SOS1: variants seen among roughly 807,000 people sequenced by gnomAD.
SOS1 encodes SOS Ras/Rac guanine nucleotide exchange factor 1.
SOS1 carries 25 observed loss-of-function variants against 157.6 expected under a neutral mutation model. The observed-to-expected ratio is 0.16, with a 90% CI of 0.12 to 0.22. The LOEUF is 0.22. SOS1 is among the 10% of genes least tolerant of loss of function. The pLI, the probability that SOS1 is intolerant of heterozygous loss-of-function variation, is 1.00. For synonymous variants in SOS1, 528 were observed against 534.0 expected, an observed-to-expected ratio of 0.99 and a Z score of 0.16; for missense variants, 1,237 against 1,599.1, an observed-to-expected ratio of 0.77 and a Z score of 3.86.
At chr2:39,095,523 T>C (rs1037304506) in intron 1 of SOS1, among the ~76,000 whole-genome samples, 1 of 152,214 alleles carries the variant, frequency 6.6e-6, no homozygotes, top group Non-Finnish European at 1.5e-5. Context: ...ACCAGAGTTC[T>C]GCAGGCTACA....
In SOS1 at chr2:39,019,095, A is replaced by G. The variant is rs141999137; in HGVS notation, c.1858+3475T>C. 7.9e-5 allele frequency among the ~76,000 whole-genome samples: 12 copies of G among 151,908 alleles called. No homozygotes were observed. In the East Asian group the frequency reaches 1.5e-3, roughly 20 times the overall value. ...ATGAAGGTATAAAATAGCAGTAAAT[A>G]CTTTAAAGAAAACGATCTTCTGGCT... On this transcript the variant is annotated intron_variant, in intron 10 of 22. Transcript: ENST00000402219.
intron 5 of SOS1, among the ~76,000 whole-genome samples, chr2:39,053,236 TTCCCAC>T (rs1176690618): frequency 6.6e-6 from 1 of 152,342 alleles, no homozygotes; most frequent in East Asian, 1.9e-4. Flanking sequence ...GAATTTTATA[TTCCCAC>T]AAGTAGTTGC....
chr2:38,999,801 T>C (rs1262781011), intron 17 of SOS1, among the ~76,000 whole-genome samples: 1 of 152,214 alleles, frequency 6.6e-6, no homozygotes, highest in Non-Finnish European at 1.5e-5. Context: ...TTGTGGGTAT[T>C]AGCACTTGGA....
At chr2:39,052,618 G>A (rs1034233889) in intron 5 of SOS1, among the ~76,000 whole-genome samples, 3 of 152,094 alleles carry the variant, frequency 2.0e-5, no homozygotes, top group Admixed American at 1.3e-4. Context: ...GCTGTTGCAC[G>A]CATAACTATT....
chr2:38,985,421 A>AGTTT lies in SOS1; in HGVS notation c.*399_*402dup. ...AGGAAGATATTAAGATCCCTGTTTA[A>AGTTT]GTTTTTTTTTTTAAAAGTGCATAAT... On this transcript the variant is annotated 3_prime_UTR_variant, in exon 23 of 23. Transcript: ENST00000402219. The AGTTT allele has an allele frequency of 3.2e-5, 2 of 61,614 alleles. No homozygotes were observed. The highest frequency in any genetic ancestry group is 5.8e-5 in the Non-Finnish European group (2 of 34,464). 3.8% of individuals were successfully genotyped at this position (61,614 alleles called of 1,614,324 possible). A position where few individuals can be genotyped will look rare whatever the true frequency, so the allele number is the denominator to read the frequency against.
Position 39,014,808 on chromosome 2 carries a change from A to T in SOS1, c.1897T>A (p.Ser633Thr). The change falls in exon 11 of 23, where the codon TCC becomes ACC. Residue 633 changes from serine (S) to threonine (T), a missense_variant. Ser to Thr is a moderately conservative substitution (Grantham distance 58). This residue lies in a region of SOS1 where 22 missense variants were observed against 46.3 expected (regional missense o/e 0.48). Transcript: ENST00000402219. ...AGTAGTTCTTGAGGTTTGCAAAAGG[A>T]TCTGTATGTTGTAAGAAATGTCCGA... is the stretch of plus-strand genomic sequence containing the variant. ...FVRTFLTTYR[S>T]FCKPQELLSL... 1 of 1,601,956 alleles carries T rather than the reference A, an allele frequency of 6.2e-7. No homozygotes were observed.
chr2:39,097,302 T>C (rs1672806075), intron 1 of SOS1, among the ~76,000 whole-genome samples: 1 of 152,176 alleles, frequency 6.6e-6, no homozygotes, highest in South Asian at 2.1e-4. Context: ...TTTTATCAGG[T>C]AGAATTTCCT....
At chr2:39,025,683 T>C (rs1241147310) in intron 8 of SOS1, among the ~76,000 whole-genome samples, 7 of 152,276 alleles carry the variant, frequency 4.6e-5, no homozygotes, top group African/African-American at 1.7e-4. Context: ...TCAATTAGCT[T>C]AAGTATTCAT....
chr2:39,116,195 A>C (rs1164223028), intron 1 of SOS1, among the ~76,000 whole-genome samples: 1 of 142,180 alleles, frequency 7.0e-6, no homozygotes, highest in East Asian at 2.1e-4. Context: ...CAAACTTTTA[A>C]GTCAACATTT....
intron 1 of SOS1, among the ~76,000 whole-genome samples, chr2:39,095,804 C>T (rs898745567): frequency 1.6e-4 from 24 of 152,176 alleles, no homozygotes; most frequent in Non-Finnish European, 3.1e-4. Context: ...ATTTTAGCAA[C>T]ATTACAGAAT....
intron 1 of SOS1, among the ~76,000 whole-genome samples, chr2:39,069,659 T>C (rs1671731174): frequency 6.6e-6 from 1 of 152,052 alleles, no homozygotes; most frequent in Admixed American, 6.6e-5. Context: ...GCAATTCTCC[T>C]GCCTCCGCCT....
At chr2:39,114,428 T>C (rs1442455667) in intron 1 of SOS1, among the ~76,000 whole-genome samples, 1 of 152,004 alleles carries the variant, frequency 6.6e-6, no homozygotes, top group Non-Finnish European at 1.5e-5. Flanking sequence ...CTCAGCCTCC[T>C]GAGTAGCTAG....
intron 1 of SOS1, among the ~76,000 whole-genome samples, chr2:39,102,897 G>C (rs1218769854): frequency 2.6e-5 from 4 of 152,136 alleles, no homozygotes; most frequent in African/African-American, 4.8e-5. Flanking sequence ...TGAGGCTACA[G>C]TTAGCTGTGA....
chr2:39,045,929 G>A (rs1670767540), intron 6 of SOS1, among the ~76,000 whole-genome samples: 1 of 152,014 alleles, frequency 6.6e-6, no homozygotes, highest in South Asian at 2.1e-4. Context: ...GGCCAGGCTG[G>A]TCTCAAACTC....
intron 8 of SOS1, among the ~76,000 whole-genome samples, chr2:39,031,412 CAT>C (rs1404658907): frequency 2.0e-5 from 3 of 152,094 alleles, no homozygotes; most frequent in African/African-American, 7.2e-5. Flanking sequence ...TGGAACCAAA[CAT>C]GTACTGATTT....
chr2:39,010,981 C>T (rs1669449244), intron 14 of SOS1, among the ~76,000 whole-genome samples: 2 of 150,884 alleles, frequency 1.3e-5, no homozygotes, highest in African/African-American at 2.4e-5. Flanking sequence ...CTGCAACCTC[C>T]GCCTCCCAGG....
intron 1 of SOS1, among the ~76,000 whole-genome samples, chr2:39,112,156 C>T (rs565304732): frequency 6.6e-6 from 1 of 151,992 alleles, no homozygotes; most frequent in African/African-American, 2.4e-5. Flanking sequence ...TACTTCCTCT[C>T]TATCACTTGA....
Position 38,983,761 on chromosome 2 carries a change from T to C in SOS1, c.*2063A>G, listed in dbSNP as rs571425098. The C allele has an allele frequency of 6.6e-6, 1 of 152,288 alleles. No individual in the cohort carries two copies. Among genetic ancestry groups the C allele is most frequent in the Non-Finnish European group, 1.5e-5 (1 of 68,000 alleles). 9.4% of individuals were successfully genotyped at this position (152,288 alleles called of 1,614,324 possible). A position where few individuals can be genotyped will look rare whatever the true frequency, so the allele number is the denominator to read the frequency against. On this transcript the variant is annotated 3_prime_UTR_variant, in exon 23 of 23. Coordinates refer to ENST00000402219, the MANE Select transcript of SOS1 (RefSeq NM_005633.4). ...TAAAGTCCAGGGAGATTCTGGACTG[T>C]CTATCATGATTAGTTGTAGCGGCTC...
chr2:39,048,613 G>A (rs966536737), intron 6 of SOS1, among the ~76,000 whole-genome samples: 21 of 151,882 alleles, frequency 1.4e-4, no homozygotes, highest in Non-Finnish European at 4.4e-5. Context: ...TGTTGGCCAG[G>A]CTGGTCTCGA....
Sources: allele counts gnomAD v4.1 joint callset (sites outside exome capture counted in the v4.1 genomes callset), GRCh38; gene constraint gnomAD v4.1.1; regional missense constraint gnomAD v4.1.1; transcripts MANE v1.5; gene names NCBI Gene and HGNC (gene_info 2026-07-23, HGNC 2026-07-21).